The following VPS39 variants were observed in gnomAD, a reference collection of about 807,000 sequenced individuals.
VPS39 encodes the protein VPS39 subunit of HOPS complex, also known as vam6/Vps39-like protein.
VPS39 carries 70 observed loss-of-function variants against 121.0 expected under a neutral mutation model. The ratio of observed to expected loss-of-function variants is 0.58; its 90% CI spans 0.48 to 0.71. VPS39 has a LOEUF of 0.71. Among genes scored for constraint, VPS39 ranks in the 30% least tolerant of loss-of-function variants. VPS39 has a pLI of 0.00. For missense variants in VPS39, 818 were observed against 1,051.5 expected, an observed-to-expected ratio of 0.78 and a Z score of 3.07; for synonymous variants, 378 against 398.1, an observed-to-expected ratio of 0.95 and a Z score of 0.60.
intron 10 of VPS39, among the ~76,000 whole-genome samples, chr15:42,175,036 G>C (rs1329094974): frequency 6.6e-6 from 1 of 152,136 alleles, no homozygotes; most frequent in East Asian, 1.9e-4. Context: ...AGGGGAAGAG[G>C]AGCATGTACT....
At chr15:42,198,307 T>C (rs2049987562) in intron 2 of VPS39, among the ~76,000 whole-genome samples, 1 of 152,228 alleles carries the variant, frequency 6.6e-6, no homozygotes, top group African/African-American at 2.4e-5. Context: ...TTTAAAATTA[T>C]AGACCAGGCA....
Position 42,169,648 on chromosome 15 carries a change from CT to C in VPS39, c.1233+75del, listed in dbSNP as rs2049309314. On this transcript the variant is annotated intron_variant, in intron 12 of 24. Transcript: ENST00000318006. ...GACTGCCTTGGCATTAGAGAAGGCC[CT>C]CAATTCCTTGCCACAAAGAAACAAG... 84 of 1,484,338 alleles carry C rather than the reference CT, an allele frequency of 5.7e-5. No homozygotes were observed. The South Asian group carries it at 1.2e-3, about 21-fold the overall frequency. 91.9% of individuals were successfully genotyped at this position (1,484,338 alleles called of 1,614,324 possible).
At chr15:42,207,799 C>G (rs762063984) in intron 1 of VPS39, among the ~76,000 whole-genome samples, 4 of 152,176 alleles carry the variant, frequency 2.6e-5, no homozygotes, top group Non-Finnish European at 5.9e-5. Flanking sequence ...CAAAGCTGAG[C>G]ACAACTAAAA....
At chr15:42,201,132 T>C (rs1027577001) in intron 1 of VPS39, among the ~76,000 whole-genome samples, 6 of 152,152 alleles carry the variant, frequency 3.9e-5, no homozygotes, top group Non-Finnish European at 8.8e-5. Context: ...GATAGTTGCA[T>C]AACTCTGTGA....
chr15:42,173,932 C>T (rs2049395901), intron 10 of VPS39, 80 bp from the exon 11 acceptor site: 1 of 1,532,366 alleles, frequency 6.5e-7, no homozygotes, highest in Admixed American at 1.9e-5. Flanking sequence ...AGAGAAGATG[C>T]TAGGAGCTAC....
chr15:42,166,920 A>T lies in VPS39; in HGVS notation c.1378-7T>A, dbSNP rs778225077. 6.2e-7 allele frequency: 1 copy of T among 1,614,132 alleles called. No individual in the cohort carries two copies. The highest frequency in any genetic ancestry group is 8.5e-7 in the Non-Finnish European group (1 of 1,180,022). ...CCACCAGGGCCACATTTGTCTGCAG[A>T]AAGAGCAGGAGTTCAGTGGAAACTG... On this transcript the variant is annotated splice_polypyrimidine_tract_variant and splice_region_variant and intron_variant, in intron 13 of 24. Transcript: ENST00000318006.
At chr15:42,187,974 A>C in intron 5 of VPS39, 118 bp from the exon 6 acceptor site, 1 of 905,698 alleles carries the variant, frequency 1.1e-6, no homozygotes, top group Non-Finnish European at 1.8e-6. Flanking sequence ...CCTGTAACAC[A>C]GTCATCCTGC....
intron 11 of VPS39, 63 bp downstream of exon 11, chr15:42,173,660 C>G: frequency 6.3e-7 from 1 of 1,576,760 alleles, no homozygotes; most frequent in Non-Finnish European, 8.6e-7. Context: ...ATCATTTCTC[C>G]CCATACTTTT....
intron 2 of VPS39, among the ~76,000 whole-genome samples, chr15:42,197,558 A>T (rs1227232864): frequency 6.6e-6 from 1 of 152,190 alleles, no homozygotes; most frequent in African/African-American, 2.4e-5. Flanking sequence ...GTCTCAAAAA[A>T]TAAAGGAGCA....
At chr15:42,177,024 G>A (rs575645785) in intron 10 of VPS39, among the ~76,000 whole-genome samples, 1 of 152,044 alleles carries the variant, frequency 6.6e-6, no homozygotes, top group East Asian at 1.9e-4. Flanking sequence ...TTAGCTGGGT[G>A]TGGTGGTACA....
At chr15:42,161,895 A>G (rs2049134614) in intron 23 of VPS39, 122 bp from the exon 24 acceptor site, 1 of 1,584,436 alleles carries the variant, frequency 6.3e-7, no homozygotes, top group South Asian at 1.1e-5. Context: ...AACATTGGCA[A>G]TTCAATGTCA....
Position 42,177,370 on chromosome 15 carries a change from T to A in VPS39, c.960+848A>T, listed in dbSNP as rs149463171. 4.3e-3 allele frequency among the ~76,000 whole-genome samples: 661 copies of A among 152,054 alleles called. 7 individuals are homozygous for A. The highest frequency in any genetic ancestry group is 0.015 in the African/African-American group (626 of 41,482). On this transcript the variant is annotated intron_variant, in intron 10 of 24. Transcript: ENST00000318006. ...CTGACATCAACATTGGAACAAGAGG[T>A]GGTCACTATTTTGCTGTGAACAAGA...
chr15:42,171,766 A>G (rs79846095), intron 11 of VPS39, among the ~76,000 whole-genome samples: 2,079 of 152,152 alleles, frequency 0.014, 52 homozygotes, highest in African/African-American at 0.048. Context: ...TTCTCCCTCC[A>G]TTCCAACCCC....
chr15:42,179,509 G>A lies in VPS39; in HGVS notation c.719-939C>T, dbSNP rs182153856. Among the ~76,000 whole-genome samples the A allele has an allele frequency of 3.1e-3, 470 of 150,262 alleles. 4 individuals are homozygous for A. The highest frequency in any genetic ancestry group is 0.01 in the African/African-American group (412 of 40,930). On this transcript the variant is annotated intron_variant, in intron 8 of 24. Coordinates refer to ENST00000318006, the MANE Select transcript of VPS39 (RefSeq NM_015289.5). The stretch of plus-strand genomic sequence containing the variant: ...GGAGAATGGCGTGAACCTGGAAGAC[G>A]GAGCTTGCAGTGAGCCGAGATGCAC...
Position 42,199,857 on chromosome 15 carries a change from A to AT in VPS39, c.139+38dup, listed in dbSNP as rs1400230650. ...TTTCACAGTTGTATACTAGCTGACT[A>AT]TTAAAACTTATTTTTTTGCATGAGC... On this transcript the variant is annotated intron_variant, in intron 2 of 24. Coordinates refer to ENST00000318006, the MANE Select transcript of VPS39 (RefSeq NM_015289.5). 3.2e-6 allele frequency: 5 copies of AT among 1,553,890 alleles called. No homozygotes were observed. The East Asian group carries it at 1.2e-4, about 37-fold the overall frequency.
At chr15:42,195,759 A>C (rs1242603697) in intron 2 of VPS39, among the ~76,000 whole-genome samples, 1 of 152,236 alleles carries the variant, frequency 6.6e-6, no homozygotes, top group Non-Finnish European at 1.5e-5. Flanking sequence ...GGTAATTTAG[A>C]GATTCAATGC....
At chr15:42,177,439 C>T (rs1046151271) in intron 10 of VPS39, among the ~76,000 whole-genome samples, 4 of 151,958 alleles carry the variant, frequency 2.6e-5, no homozygotes, top group Admixed American at 6.6e-5. Context: ...ATAAGACTGC[C>T]GCCTGGCTGA....
chr15:42,184,910 G>C (rs928890809), intron 7 of VPS39, among the ~76,000 whole-genome samples: 6 of 152,368 alleles, frequency 3.9e-5, no homozygotes, highest in African/African-American at 1.4e-4. Context: ...CCTGGCAACT[G>C]ACAATGCCAG....
At chr15:42,200,492 G>A (rs1216379083) in intron 1 of VPS39, among the ~76,000 whole-genome samples, 2 of 152,234 alleles carry the variant, frequency 1.3e-5, no homozygotes, top group Non-Finnish European at 2.9e-5. Flanking sequence ...AATAAATGAC[G>A]TAACATAATA....
Sources: gnomAD v4.1 joint callset for allele counts (sites outside exome capture counted in the v4.1 genomes callset) on GRCh38, gnomAD v4.1.1 for gene constraint, MANE v1.5 for transcripts, NCBI Gene and HGNC (gene_info 2026-07-23, HGNC 2026-07-21) for gene names.